STKLD1: variants seen among roughly 807,000 people sequenced by gnomAD.
STKLD1 encodes the protein serine/threonine kinase like domain containing 1, also known as serine/threonine kinase-like domain-containing protein STKLD1.
STKLD1 carries 79 observed loss-of-function variants against 80.4 expected under a neutral mutation model. The ratio of observed to expected loss-of-function variants is 0.98; its 90% CI spans 0.82 to 1.19. The LOEUF is 1.19. Ranked by LOEUF, STKLD1 falls within the 50% of genes most tolerant of loss-of-function variation. STKLD1 has a pLI of 0.00. For synonymous variants in STKLD1, 393 were observed against 357.6 expected, an observed-to-expected ratio of 1.10 and a Z score of -1.12; for missense variants, 841 against 856.0, an observed-to-expected ratio of 0.98 and a Z score of 0.22.
chr9:133,396,990 C>T (rs1554776804), intron 9 of STKLD1, among the ~76,000 whole-genome samples, 174 bp from the exon 10 acceptor site: 2 of 152,256 alleles, frequency 1.3e-5, no homozygotes, highest in Middle Eastern at 3.4e-3. Context: ...GGGTGCTTGC[C>T]GGACACACTG....
At chr9:133,380,224 C>T (rs2130262923) in intron 2 of STKLD1, among the ~76,000 whole-genome samples, 2 of 152,108 alleles carry the variant, frequency 1.3e-5, no homozygotes, top group Non-Finnish European at 2.9e-5. Context: ...TTAGTAGAGA[C>T]AGGGTTTCAC....
intron 11 of STKLD1, among the ~76,000 whole-genome samples, chr9:133,399,040 GA>G (rs1554777135): frequency 2.0e-5 from 3 of 152,256 alleles, no homozygotes; most frequent in African/African-American, 7.2e-5. Context: ...TTTTATTAGA[GA>G]GGGGGTTTCA....
At chr9:133,395,561 A>G in intron 8 of STKLD1, 39 bp from the exon 9 acceptor site, 1 of 1,595,898 alleles carries the variant, frequency 6.3e-7, no homozygotes, top group Non-Finnish European at 8.5e-7. Flanking sequence ...GTTTTCATTT[A>G]CTTAAGGGAA....
intron 13 of STKLD1, 94 bp downstream of exon 13, chr9:133,401,972 G>A (rs1838718420): frequency 6.6e-7 from 1 of 1,504,664 alleles, no homozygotes; most frequent in Non-Finnish European, 9.0e-7. Context: ...AGGTGGGTTG[G>A]ACAGGACAGT....
chr9:133,383,731 A>G (rs1838204994), intron 2 of STKLD1, 125 bp from the exon 3 acceptor site: 1 of 829,938 alleles, frequency 1.2e-6, no homozygotes, highest in East Asian at 2.5e-5. Context: ...AATGATGGTG[A>G]TGGTTGTGGT....
At position 133,394,491 on chromosome 9, in the gene STKLD1, C is replaced by A; in HGVS notation, c.702+82C>A. On this transcript the variant is annotated intron_variant, in intron 8 of 17. Coordinates refer to ENST00000371957, the MANE Select transcript of STKLD1 (RefSeq NM_153710.5). This position sits in a 1 kb window ranked among gnomAD's most constrained non-coding sequence, Gnocchi z 4.9. ...GGGGAAAAGGCTTGGCCTCACCCTG[C>A]CTCCCCTCTGCATCCCTTCCCCTGG... The A allele has an allele frequency of 1.0e-6, 1 of 997,194 alleles. No homozygotes were observed. The highest frequency in any genetic ancestry group is 1.6e-6 in the Non-Finnish European group (1 of 626,584). 61.8% of individuals were successfully genotyped at this position (997,194 alleles called of 1,614,324 possible).
At chr9:133,378,964 G>A (rs1838069409) in intron 1 of STKLD1, 72 bp from the exon 2 acceptor site, 1 of 1,402,860 alleles carries the variant, frequency 7.1e-7, no homozygotes, top group Non-Finnish European at 9.9e-7. Context: ...CAGAAAAGGA[G>A]TTGGAGCTGG....
At chr9:133,403,579 T>C in intron 14 of STKLD1, 121 bp from the exon 15 acceptor site, 1 of 1,315,000 alleles carries the variant, frequency 7.6e-7, no homozygotes, top group Non-Finnish European at 1.0e-6. Flanking sequence ...ACAGTTGACC[T>C]TTCCCACCCC....
Position 133,389,175 on chromosome 9 carries a change from C to T in STKLD1, c.397-351C>T, listed in dbSNP as rs1838328251. The T allele has an allele frequency of 1.0e-6, 1 of 985,306 alleles. No individual in the cohort carries two copies. Among genetic ancestry groups the T allele is most frequent in the Non-Finnish European group, 1.2e-6 (1 of 829,926 alleles). The allele number at this position is 985,306 out of a possible 1,614,324, so 61.0% of individuals were successfully genotyped here. Reference sequence around the variant, plus strand: ...ATGTAGGCACTGAAGGCTTCCACCTCTCCCATACCCGCAAGGCCGATCTGC... The same window carrying T: ...ATGTAGGCACTGAAGGCTTCCACCTTTCCCATACCCGCAAGGCCGATCTGC... On this transcript the variant is annotated intron_variant, in intron 5 of 17. Transcript: ENST00000371957. This position sits in a 1 kb window ranked among gnomAD's most constrained non-coding sequence, Gnocchi z 6.4.
In STKLD1 at chr9:133,394,238, C is replaced by T. The variant is rs2119231757; in HGVS notation, c.584-53C>T. 7.8e-7 allele frequency: 1 copy of T among 1,282,488 alleles called. No homozygotes were observed. The highest frequency in any genetic ancestry group is 1.2e-5 in the South Asian group (1 of 84,414). 79.4% of individuals were successfully genotyped at this position (1,282,488 alleles called of 1,614,324 possible). ...CTGGGCAGGGTGACTCTGTCAAGCC[C>T]CTGCCCCCAGGGAGCAAAGGACTCA... On this transcript the variant is annotated intron_variant, in intron 7 of 17. Coordinates refer to ENST00000371957, the MANE Select transcript of STKLD1 (RefSeq NM_153710.5). This position sits in a 1 kb window ranked among gnomAD's most constrained non-coding sequence, Gnocchi z 4.9.
At chr9:133,398,085 C>G in intron 11 of STKLD1, 30 bp downstream of exon 11, 1 of 1,603,394 alleles carries the variant, frequency 6.2e-7, no homozygotes, top group Non-Finnish European at 8.5e-7. Context: ...CCTTTCCCAG[C>G]TGCTCCCCTA....
chr9:133,379,846 G>A (rs2130261933), intron 2 of STKLD1, among the ~76,000 whole-genome samples: 4 of 152,204 alleles, frequency 2.6e-5, no homozygotes, highest in African/African-American at 9.7e-5. Context: ...GCCATACAGC[G>A]GGAGGAGCCT....
At chr9:133,386,180 A>G (rs2130277011) in intron 4 of STKLD1, among the ~76,000 whole-genome samples, 6 of 152,124 alleles carry the variant, frequency 3.9e-5, no homozygotes, top group Non-Finnish European at 5.9e-5. Context: ...CGGCCTCCCA[A>G]AGTGCTGGGA....
At chr9:133,383,330 T>C (rs1838190284) in intron 2 of STKLD1, among the ~76,000 whole-genome samples, 5 of 13,828 alleles carry the variant, frequency 3.6e-4, no homozygotes, top group South Asian at 2.9e-3. Context: ...ATGATGGTGG[T>C]GATGGTGATG....
chr9:133,383,242 GGTGATGGTGGTGGTGTTGGA>G (rs1838183206), intron 2 of STKLD1, among the ~76,000 whole-genome samples: 1 of 138,812 alleles, frequency 7.2e-6, no homozygotes, highest in Non-Finnish European at 1.6e-5. Flanking sequence ...TAGTGATGAT[GGTGATGGTGGTGGTGTTGGA>G]GTGATGGTGG....
At position 133,389,379 on chromosome 9, in the gene STKLD1, C is replaced by A; in HGVS notation, c.397-147C>A. On this transcript the variant is annotated intron_variant, in intron 5 of 17. Coordinates refer to ENST00000371957, the MANE Select transcript of STKLD1 (RefSeq NM_153710.5). This position sits in a 1 kb window ranked among gnomAD's most constrained non-coding sequence, Gnocchi z 6.4. ...GAGAGCCACCACGCTGAAGCCTCCT[C>A]CACCCTGAGCGCTTGGCTGGCTTCA... is the stretch of plus-strand genomic sequence containing the variant. The A allele has an allele frequency of 6.9e-7, 1 of 1,449,456 alleles. No individual in the cohort carries two copies. Among genetic ancestry groups the A allele is most frequent in the Non-Finnish European group, 9.1e-7 (1 of 1,098,274 alleles). 89.8% of individuals were successfully genotyped at this position (1,449,456 alleles called of 1,614,324 possible).
intron 7 of STKLD1, among the ~76,000 whole-genome samples, chr9:133,391,208 C>A (rs1275157011): frequency 6.7e-6 from 1 of 149,370 alleles, no homozygotes; most frequent in Non-Finnish European, 1.5e-5. Flanking sequence ...CCCCCCCGCC[C>A]AGACAGCCGC....
At chr9:133,401,523 G>A (rs1405713108) in intron 12 of STKLD1, among the ~76,000 whole-genome samples, 34 of 152,188 alleles carry the variant, frequency 2.2e-4, no homozygotes, top group Non-Finnish European at 1.0e-4. Context: ...CCAGGGACCA[G>A]GATGCGTGGC....
At chr9:133,378,254 C>T (rs1275257459) in intron 1 of STKLD1, among the ~76,000 whole-genome samples, 2 of 152,190 alleles carry the variant, frequency 1.3e-5, no homozygotes, top group African/African-American at 2.4e-5. Flanking sequence ...CTTTTATGGG[C>T]TCCGAGAGTC....
Sources: allele counts gnomAD v4.1 joint callset (sites outside exome capture counted in the v4.1 genomes callset), GRCh38; gene constraint gnomAD v4.1.1; non-coding constraint Gnocchi (gnomAD v3.1); transcripts MANE v1.5; gene names NCBI Gene and HGNC (gene_info 2026-07-23, HGNC 2026-07-21).